Variants in DOK5 observed in about 807,000 individuals in gnomAD.
The protein encoded by DOK5 is downstream of tyrosine kinase 5.
A neutral mutation model predicts 43.3 loss-of-function variants in DOK5; 27 were observed. The ratio of observed to expected loss-of-function variants is 0.62; its 90% confidence interval spans 0.46 to 0.86. The LOEUF (loss-of-function observed/expected upper bound fraction) is 0.86, where lower values mean the gene tolerates loss of function less well. DOK5 is among the 40% of genes least tolerant of loss of function. The pLI is 0.00. For synonymous variants in DOK5, 146 were observed against 140.1 expected, an observed-to-expected ratio of 1.04 and a Z score of -0.30; for missense variants, 373 against 392.9, an observed-to-expected ratio of 0.95 and a Z score of 0.43.
intron 1 of DOK5, among the ~76,000 whole-genome samples, chr20:54,544,286 A>AT (rs1217550328): frequency 2.0e-5 from 3 of 151,704 alleles, no homozygotes; most frequent in African/African-American, 4.9e-5. Context: ...CATTAAAAAG[A>AT]TTTTTTTTCC....
intron 1 of DOK5, among the ~76,000 whole-genome samples, chr20:54,523,844 C>A (rs1046537792): frequency 2.0e-5 from 3 of 151,906 alleles, no homozygotes; most frequent in African/African-American, 7.3e-5. Context: ...CTCAGGTAAT[C>A]CACATGCCTT....
chr20:54,494,650 A>C (rs1982319887), intron 1 of DOK5: 1 of 152,032 alleles, frequency 6.6e-6, no homozygotes, highest in Admixed American at 6.6e-5. Context: ...TAATTTTCAT[A>C]AAATGGAAAT....
At chr20:54,610,581 G>A in intron 6 of DOK5, 58 bp downstream of exon 6, 2 of 1,358,072 alleles carry the variant, frequency 1.5e-6, no homozygotes, top group Non-Finnish European at 1.9e-6. Flanking sequence ...AAGCAATTGG[G>A]TCATTTTTGT....
intron 5 of DOK5, among the ~76,000 whole-genome samples, chr20:54,607,183 G>A (rs1311601659): frequency 6.6e-6 from 1 of 152,162 alleles, no homozygotes; most frequent in East Asian, 1.9e-4. Context: ...CAGAAACTGT[G>A]AGTACCTTGG....
At chr20:54,481,645 C>T (rs1217263126) in intron 1 of DOK5, among the ~76,000 whole-genome samples, 1 of 152,164 alleles carries the variant, frequency 6.6e-6, no homozygotes, top group African/African-American at 2.4e-5. Flanking sequence ...TCATAGCTGT[C>T]CCCCAGTGCC....
At chr20:54,566,261 T>C (rs1390312392) in intron 2 of DOK5, among the ~76,000 whole-genome samples, 6 of 152,186 alleles carry the variant, frequency 3.9e-5, no homozygotes. Context: ...CATTCCCTTT[T>C]ACTGCTAAGT....
At chr20:54,526,177 CTT>C (rs534396406) in intron 1 of DOK5, among the ~76,000 whole-genome samples, 8 of 149,172 alleles carry the variant, frequency 5.4e-5, no homozygotes, top group Non-Finnish European at 1.2e-4. Context: ...GCATTCCTCT[CTT>C]TTAGGTTTGA....
chr20:54,568,796 G>A (rs1262798021), intron 2 of DOK5, among the ~76,000 whole-genome samples: 1 of 152,064 alleles, frequency 6.6e-6, no homozygotes, highest in African/African-American at 2.4e-5. Flanking sequence ...CGGGTGTGGT[G>A]GCGGGCGCCT....
At position 54,650,572 on chromosome 20, in the gene DOK5, C is replaced by G. The variant is rs2023454; in HGVS notation, c.*93C>G. ...GAATGACAGCAAGGGAAATGACGACCAAGAGAAGAAGCTTAAAGTCCTGGC... is the reference window on the plus strand; with the variant it reads ...GAATGACAGCAAGGGAAATGACGACGAAGAGAAGAAGCTTAAAGTCCTGGC... On this transcript the variant is annotated 3_prime_UTR_variant, in exon 8 of 8. Transcript: ENST00000262593. 0.047 allele frequency: 57,299 copies of G among 1,227,530 alleles called. 4,862 individuals carry two copies. The highest frequency in any genetic ancestry group is 0.35 in the African/African-American group (23,174 of 65,894). The allele number at this position is 1,227,530 out of a possible 1,614,324, so 76.0% of individuals were successfully genotyped here. A position where few individuals can be genotyped will look rare whatever the true frequency, so the allele number is the denominator to read the frequency against.
At chr20:54,650,053 G>A (rs1411680698) in intron 7 of DOK5, among the ~76,000 whole-genome samples, 1 of 152,170 alleles carries the variant, frequency 6.6e-6, no homozygotes, top group African/African-American at 2.4e-5. Flanking sequence ...CAAAGTATAA[G>A]CATAAGACTG....
intron 6 of DOK5, among the ~76,000 whole-genome samples, chr20:54,639,092 C>T (rs1369963840): frequency 6.6e-6 from 1 of 152,142 alleles, no homozygotes; most frequent in Non-Finnish European, 1.5e-5. Flanking sequence ...AAGGGAAGCC[C>T]AGATTAGAAG....
At chr20:54,569,621 A>G (rs770617965) in intron 2 of DOK5, among the ~76,000 whole-genome samples, 3 of 152,186 alleles carry the variant, frequency 2.0e-5, no homozygotes, top group Non-Finnish European at 4.4e-5. Context: ...GGATGTCTCT[A>G]AGAAGGTTAT....
At chr20:54,604,868 G>T (rs1986414531) in intron 5 of DOK5, among the ~76,000 whole-genome samples, 1 of 152,002 alleles carries the variant, frequency 6.6e-6, no homozygotes, top group Non-Finnish European at 1.5e-5. Flanking sequence ...AGGCGTGGTG[G>T]CAGGTGCCTG....
chr20:54,550,508 C>G (rs1309510310), intron 1 of DOK5, among the ~76,000 whole-genome samples: 1 of 152,228 alleles, frequency 6.6e-6, no homozygotes, highest in Non-Finnish European at 1.5e-5. Context: ...TAACCTGTTA[C>G]AGCCAAATCC....
At chr20:54,622,887 A>G (rs6014086) in intron 6 of DOK5, among the ~76,000 whole-genome samples, 5,064 of 152,164 alleles carry the variant, frequency 0.033, 305 homozygotes, top group African/African-American at 0.12. Context: ...GCAGTTTCTG[A>G]TCTGTTTTGG....
At chr20:54,543,796 A>G (rs1406729309) in intron 1 of DOK5, among the ~76,000 whole-genome samples, 1 of 152,208 alleles carries the variant, frequency 6.6e-6, no homozygotes, top group Non-Finnish European at 1.5e-5. Context: ...TGGTATACAT[A>G]TTATTTTACA....
intron 6 of DOK5, among the ~76,000 whole-genome samples, chr20:54,631,672 A>G (rs1978572335): frequency 2.0e-5 from 3 of 152,176 alleles, no homozygotes; most frequent in Admixed American, 2.0e-4. Context: ...AATTTATTAC[A>G]TGTTAAAAAA....
At chr20:54,533,475 G>A (rs1210593945) in intron 1 of DOK5, among the ~76,000 whole-genome samples, 1 of 152,162 alleles carries the variant, frequency 6.6e-6, no homozygotes, top group East Asian at 1.9e-4. Flanking sequence ...CTAACCTATT[G>A]TAGTTAAATT....
chr20:54,639,632 AAC>A (rs1389026472), intron 6 of DOK5, among the ~76,000 whole-genome samples: 1 of 152,076 alleles, frequency 6.6e-6, no homozygotes, highest in Non-Finnish European at 1.5e-5. Context: ...GTAAAAAAAA[AAC>A]TATATAAAAA....
Sources: gnomAD v4.1 joint callset for allele counts (sites outside exome capture counted in the v4.1 genomes callset) on GRCh38, gnomAD v4.1.1 for gene constraint, MANE v1.5 for transcripts, NCBI Gene and HGNC (gene_info 2026-07-23, HGNC 2026-07-21) for gene names.